The following SYT14 variants were observed in gnomAD, a reference collection of about 807,000 sequenced individuals.
The protein encoded by SYT14 is synaptotagmin 14, also known as synaptotagmin-14.
A neutral mutation model predicts 74.2 loss-of-function variants in SYT14; 32 were observed. That is an observed-to-expected ratio of 0.43 (90% confidence interval 0.33 to 0.58). The LOEUF (loss-of-function observed/expected upper bound fraction) is 0.58, where lower values mean the gene tolerates loss of function less well. SYT14 is among the 20% of genes least tolerant of loss of function. SYT14 has a pLI of 0.05. For synonymous variants in SYT14, 298 were observed against 337.7 expected, an observed-to-expected ratio of 0.88 and a Z score of 1.29; for missense variants, 791 against 981.8, an observed-to-expected ratio of 0.81 and a Z score of 2.60.
At chr1:209,992,596 C>T (rs2079712144) in intron 2 of SYT14, among the ~76,000 whole-genome samples, 1 of 152,076 alleles carries the variant, frequency 6.6e-6, no homozygotes, top group African/African-American at 2.4e-5. Flanking sequence ...TATACTTATT[C>T]TGGTGATGGC....
At chr1:210,099,963 G>T (rs1453705301) in intron 6 of SYT14, 49 bp from the exon 6 acceptor site, 1 of 1,509,220 alleles carries the variant, frequency 6.6e-7, no homozygotes, top group Non-Finnish European at 9.1e-7. Context: ...TACATGCTAG[G>T]TTAAATAATT....
chr1:210,077,630 G>A (rs991525910), intron 5 of SYT14, among the ~76,000 whole-genome samples: 3 of 152,114 alleles, frequency 2.0e-5, no homozygotes, highest in African/African-American at 7.2e-5. Flanking sequence ...AAATTGCAGG[G>A]TCATATTGTA....
chr1:209,998,554 A>C (rs1200452013), intron 2 of SYT14, among the ~76,000 whole-genome samples: 8 of 152,142 alleles, frequency 5.3e-5, no homozygotes. Context: ...TTCAAAATAC[A>C]AGGCTATAGT....
At chr1:210,141,006 T>G (rs1323962003) in intron 7 of SYT14, among the ~76,000 whole-genome samples, 1 of 151,406 alleles carries the variant, frequency 6.6e-6, no homozygotes, top group African/African-American at 2.4e-5. Flanking sequence ...CATATGAATT[T>G]TAGGACACTT....
At chr1:210,073,420 T>C (rs965136177) in intron 5 of SYT14, among the ~76,000 whole-genome samples, 26 of 152,170 alleles carry the variant, frequency 1.7e-4, no homozygotes, top group Admixed American at 1.3e-3. Flanking sequence ...ATTTTTGAAG[T>C]GTCTGGTTAT....
chr1:210,169,895 A>C (rs1413376869), exon 10 of SYT14: 1 of 151,998 alleles, frequency 6.6e-6, no homozygotes, highest in African/African-American at 2.4e-5. Flanking sequence ...CAATTAGTGG[A>C]ATCTTTTATT....
At chr1:210,084,581 G>T (rs1447906340) in intron 5 of SYT14, among the ~76,000 whole-genome samples, 1 of 152,206 alleles carries the variant, frequency 6.6e-6, no homozygotes, top group African/African-American at 2.4e-5. Context: ...GGCAGCCAAG[G>T]TTTCTGCAGA....
intron 1 of SYT14, among the ~76,000 whole-genome samples, chr1:209,952,280 A>G (rs559038309): frequency 7.2e-5 from 11 of 152,230 alleles, no homozygotes; most frequent in Non-Finnish European, 8.8e-5. Flanking sequence ...GTTGGAGAAT[A>G]TATAATGTGA....
Position 210,094,606 on chromosome 1 carries a change from A to T in SYT14, c.1584+13A>T. On this transcript the variant is annotated intron_variant, in intron 6 of 9. Transcript: ENST00000637265. ...CCTGAGCCCTGAAGTAAGTAAAAGCACATAGAAGTTTGAAAATGAATGTTA... is the reference window on the plus strand; with the variant it reads ...CCTGAGCCCTGAAGTAAGTAAAAGCTCATAGAAGTTTGAAAATGAATGTTA... 6.2e-7 allele frequency: 1 copy of T among 1,613,682 alleles called. No individual in the cohort carries two copies. Among genetic ancestry groups the T allele is most frequent in the Non-Finnish European group, 8.5e-7 (1 of 1,179,750 alleles).
At chr1:210,027,320 C>T (rs763383591) in intron 5 of SYT14, among the ~76,000 whole-genome samples, 1 of 151,484 alleles carries the variant, frequency 6.6e-6, no homozygotes, top group Middle Eastern at 3.4e-3. Context: ...GATGCCAAGT[C>T]GGGAGGACCA....
chr1:209,977,162 T>C (rs935165213), intron 2 of SYT14, among the ~76,000 whole-genome samples: 2 of 152,242 alleles, frequency 1.3e-5, no homozygotes, highest in African/African-American at 4.8e-5. Context: ...GTTTGTCCAA[T>C]TTGCCAGTCT....
exon 4 of SYT14, chr1:210,016,181 A>G: frequency 8.1e-7 from 1 of 1,232,124 alleles, no homozygotes; most frequent in Non-Finnish European, 1.0e-6. Context: ...AGAAGAGGAA[A>G]GCTCTGTAGC....
intron 7 of SYT14, among the ~76,000 whole-genome samples, chr1:210,122,709 T>C (rs1207019390): frequency 6.6e-6 from 1 of 152,194 alleles, no homozygotes; most frequent in African/African-American, 2.4e-5. Flanking sequence ...CTCCTGTAGT[T>C]TGCTTACTTC....
intron 5 of SYT14, among the ~76,000 whole-genome samples, chr1:210,041,480 G>A (rs1306445922): frequency 6.6e-6 from 1 of 152,070 alleles, no homozygotes; most frequent in Admixed American, 6.6e-5. Flanking sequence ...TTTTCTAAAG[G>A]AAGCATGCAT....
chr1:210,004,837 G>A (rs1252900818), intron 2 of SYT14, among the ~76,000 whole-genome samples: 1 of 151,044 alleles, frequency 6.6e-6, no homozygotes, highest in African/African-American at 2.4e-5. Context: ...AAATATATTT[G>A]CTTTTACTAT....
At chr1:210,119,171 T>C (rs1182571439) in intron 7 of SYT14, among the ~76,000 whole-genome samples, 1 of 152,198 alleles carries the variant, frequency 6.6e-6, no homozygotes, top group Non-Finnish European at 1.5e-5. Context: ...TTAGCAGTAG[T>C]GAGGATATTT....
chr1:209,942,736 C>G (rs542597376), intron 1 of SYT14, among the ~76,000 whole-genome samples: 1 of 152,164 alleles, frequency 6.6e-6, no homozygotes, highest in Non-Finnish European at 1.5e-5. Context: ...CTTCCTTCAT[C>G]CGGTCCACAT....
intron 2 of SYT14, among the ~76,000 whole-genome samples, chr1:210,008,189 T>C (rs1447201332): frequency 1.3e-5 from 2 of 152,206 alleles, no homozygotes; most frequent in Non-Finnish European, 2.9e-5. Context: ...TGTTTGATAT[T>C]GTTCAGGTTG....
intron 1 of SYT14, among the ~76,000 whole-genome samples, chr1:209,946,696 A>C (rs772758898): frequency 1.3e-5 from 2 of 152,272 alleles, no homozygotes; most frequent in Non-Finnish European, 2.9e-5. Context: ...CAGGTTATCC[A>C]TAAGATCTAG....
Sources: allele counts gnomAD v4.1 joint callset (sites outside exome capture counted in the v4.1 genomes callset), GRCh38; gene constraint gnomAD v4.1.1; transcripts MANE v1.5; gene names NCBI Gene and HGNC (gene_info 2026-07-23, HGNC 2026-07-21).